EBF1: variants seen among roughly 807,000 people sequenced by gnomAD.
EBF1 encodes transcription factor COE1.
A neutral mutation model predicts 68.4 loss-of-function variants in EBF1; 10 were observed. The ratio of observed to expected loss-of-function variants is 0.15; its 90% CI spans 0.09 to 0.25. The LOEUF (loss-of-function observed/expected upper bound fraction) is 0.25, where lower values mean the gene tolerates loss of function less well. Ranked by LOEUF, EBF1 falls within the 10% of genes least tolerant of loss-of-function variation. The pLI is 1.00. For synonymous variants in EBF1, 298 were observed against 299.8 expected (o/e 0.99, Z 0.06); for missense variants, 509 against 794.4 (o/e 0.64, Z 4.32).
At chr5:158,952,188 A>G (rs1159060987) in intron 6 of EBF1, among the ~76,000 whole-genome samples, 1 of 152,210 alleles carries the variant, frequency 6.6e-6, no homozygotes, top group African/African-American at 2.4e-5. Flanking sequence ...CTTACAGTAA[A>G]TAGGAAAGAA....
At chr5:159,094,060 A>C (rs1782107267) in intron 4 of EBF1, among the ~76,000 whole-genome samples, 1 of 149,084 alleles carries the variant, frequency 6.7e-6, no homozygotes, top group African/African-American at 2.5e-5. Flanking sequence ...AGGGTATCAA[A>C]GGCAATTTTT....
chr5:158,958,975 G>C (rs1459692342), intron 6 of EBF1, among the ~76,000 whole-genome samples: 1 of 152,172 alleles, frequency 6.6e-6, no homozygotes, highest in African/African-American at 2.4e-5. Context: ...TTGTCCCCAA[G>C]TCATCTTGAA....
intron 6 of EBF1, among the ~76,000 whole-genome samples, chr5:159,071,249 A>T (rs1777745871): frequency 6.6e-6 from 1 of 152,226 alleles, no homozygotes; most frequent in Admixed American, 6.5e-5. Flanking sequence ...GCCAGCGAAT[A>T]AACATATGCT....
chr5:158,840,965 C>T (rs1790238786), intron 6 of EBF1, among the ~76,000 whole-genome samples: 1 of 152,070 alleles, frequency 6.6e-6, no homozygotes, highest in Admixed American at 6.5e-5. Context: ...GCCACCGCGC[C>T]AGGCCCTCCT....
chr5:158,921,909 A>G (rs1258977880), intron 6 of EBF1, among the ~76,000 whole-genome samples: 1 of 152,196 alleles, frequency 6.6e-6, no homozygotes, highest in African/African-American at 2.4e-5. Context: ...GGTTTATTGA[A>G]CCTGTAAAAC....
intron 8 of EBF1, among the ~76,000 whole-genome samples, chr5:158,807,145 T>C (rs1040963584): frequency 3.9e-5 from 6 of 152,100 alleles, no homozygotes; most frequent in African/African-American, 1.2e-4. Flanking sequence ...ACTCAGCCTA[T>C]AACTGATAAA....
At chr5:158,712,614 C>T (rs1331118484) in intron 13 of EBF1, among the ~76,000 whole-genome samples, 1 of 152,096 alleles carries the variant, frequency 6.6e-6, no homozygotes, top group African/African-American at 2.4e-5. Context: ...AAATAAATCC[C>T]GATCTAAGAG....
chr5:158,901,945 G>T (rs1272359873), intron 6 of EBF1, among the ~76,000 whole-genome samples: 1 of 152,102 alleles, frequency 6.6e-6, no homozygotes, highest in Admixed American at 6.5e-5. Context: ...ACAAAAATTA[G>T]CTGGGTTTGG....
Position 158,951,251 on chromosome 5 carries a change from G to A in EBF1, c.555-111141C>T, listed in dbSNP as rs577894177. Among the ~76,000 whole-genome samples, 6 of 152,250 alleles carry A rather than the reference G, an allele frequency of 3.9e-5. No individual in the cohort carries two copies. The South Asian group carries it at 6.2e-4, about 16-fold the overall frequency. On this transcript the variant is annotated intron_variant, in intron 6 of 15. Transcript: ENST00000313708. The stretch of plus-strand genomic sequence containing the variant: ...GCTGGGTGGGCCTGTGATGCCATGC[G>A]TTTACTAAACAGTGGCTCTATTATA...
At chr5:159,056,080 T>C (rs997430605) in intron 6 of EBF1, among the ~76,000 whole-genome samples, 2 of 152,240 alleles carry the variant, frequency 1.3e-5, no homozygotes, top group African/African-American at 4.8e-5. Flanking sequence ...TTATCCTTTC[T>C]GGCTTCTGGT....
chr5:159,091,102 G>C (rs1781550105), intron 4 of EBF1, among the ~76,000 whole-genome samples: 1 of 152,196 alleles, frequency 6.6e-6, no homozygotes. Flanking sequence ...TATCTGTACA[G>C]TCATATGAGT....
At chr5:158,787,815 G>A (rs1484521959) in intron 9 of EBF1, among the ~76,000 whole-genome samples, 1 of 152,158 alleles carries the variant, frequency 6.6e-6, no homozygotes, top group African/African-American at 2.4e-5. Flanking sequence ...GTCAACACGT[G>A]TTACTTCTAT....
intron 8 of EBF1, among the ~76,000 whole-genome samples, chr5:158,800,480 A>T (rs1365210209): frequency 6.6e-6 from 1 of 152,216 alleles, no homozygotes; most frequent in African/African-American, 2.4e-5. Context: ...AATGTGTACA[A>T]ATAAGGTACT....
At chr5:158,763,203 A>G (rs1180417654) in intron 10 of EBF1, among the ~76,000 whole-genome samples, 2 of 152,182 alleles carry the variant, frequency 1.3e-5, no homozygotes, top group Non-Finnish European at 2.9e-5. Context: ...TTTTGTGGCC[A>G]AGAGGGAATT....
At chr5:159,022,265 T>C (rs1766864658) in intron 6 of EBF1, among the ~76,000 whole-genome samples, 1 of 152,176 alleles carries the variant, frequency 6.6e-6, no homozygotes. Flanking sequence ...ACAGAACTAT[T>C]ATCAAAACAC....
At chr5:158,970,493 A>G (rs988321827) in intron 6 of EBF1, among the ~76,000 whole-genome samples, 2 of 152,240 alleles carry the variant, frequency 1.3e-5, no homozygotes, top group Non-Finnish European at 2.9e-5. Flanking sequence ...TTAATATTCA[A>G]GGTCACTGGC....
At chr5:158,755,314 T>C (rs1438177842) in intron 10 of EBF1, among the ~76,000 whole-genome samples, 1 of 152,104 alleles carries the variant, frequency 6.6e-6, no homozygotes, top group Non-Finnish European at 1.5e-5. Flanking sequence ...TCCCCACTTC[T>C]CTAGTTCCCT....
chr5:158,954,670 G>C (rs1816697961), intron 6 of EBF1, among the ~76,000 whole-genome samples: 1 of 152,200 alleles, frequency 6.6e-6, no homozygotes, highest in South Asian at 2.1e-4. Flanking sequence ...AATGCGGTCA[G>C]TAGCGTGGCC....
intron 11 of EBF1, among the ~76,000 whole-genome samples, chr5:158,722,657 A>G (rs1338767466): frequency 6.6e-6 from 1 of 152,246 alleles, no homozygotes; most frequent in African/African-American, 2.4e-5. Flanking sequence ...ATCGGTTATC[A>G]TATGTATCTC....
Sources: allele counts gnomAD v4.1 joint callset (sites outside exome capture counted in the v4.1 genomes callset), GRCh38; gene constraint gnomAD v4.1.1; transcripts MANE v1.5; gene names NCBI Gene and HGNC (gene_info 2026-07-23, HGNC 2026-07-21).